ERICH3: variants seen among roughly 807,000 people sequenced by gnomAD.
ERICH3 encodes the protein glutamate-rich protein 3.
Under a neutral mutation model 131.1 loss-of-function variants are expected in ERICH3, and 126 were observed. The ratio of observed to expected loss-of-function variants is 0.96; its 90% CI spans 0.83 to 1.11. ERICH3 has a LOEUF of 1.11. ERICH3 is among the 50% of genes most tolerant of loss of function. The pLI is 0.00. For synonymous variants in ERICH3, 695 were observed against 644.6 expected, an observed-to-expected ratio of 1.08 and a Z score of -1.18; for missense variants, 2,050 against 1,810.7, an observed-to-expected ratio of 1.13 and a Z score of -2.40.
intron 3 of ERICH3, among the ~76,000 whole-genome samples, chr1:74,644,503 G>A (rs1646465356): frequency 6.6e-6 from 1 of 152,072 alleles, no homozygotes; most frequent in Non-Finnish European, 1.5e-5. Context: ...TAACAGGCAT[G>A]TTTTTGACCT....
chr1:74,589,871 C>T lies in ERICH3; in HGVS notation c.1936G>A (p.Asp646Asn). Residue 646 changes from aspartate (D) to asparagine (N), a missense_variant, in exon 12 of 15, where the codon GAC (aspartate) becomes AAC (asparagine). By Grantham distance (23) the Asp-to-Asn change is conservative (BLOSUM62 1). Transcript: ENST00000326665. ...IEESLEIEIEDQEITKADVET... is the reference protein window; with the variant it reads ...IEESLEIEIENQEITKADVET... ...ACATCTGCTTTTGTTATTTCTTGGTCTTCAATTTCAATTTCTAAGGATTCC... is the reference window on the plus strand; with the variant it reads ...ACATCTGCTTTTGTTATTTCTTGGTTTTCAATTTCAATTTCTAAGGATTCC... 2 of 1,614,004 alleles carry T rather than the reference C, an allele frequency of 1.2e-6. No homozygotes were observed. Among genetic ancestry groups the T allele is most frequent in the South Asian group, 1.1e-5 (1 of 91,072 alleles).
At chr1:74,588,408 G>A (rs960024084) in intron 12 of ERICH3, among the ~76,000 whole-genome samples, 18 of 152,068 alleles carry the variant, frequency 1.2e-4, no homozygotes, top group African/African-American at 4.3e-4. Context: ...TGACTATGGT[G>A]CCTTGTGCAT....
rs143512061 is a variant in ERICH3 at position 74,615,741 on chromosome 1, G to A, written c.1001-2932C>T. Among the ~76,000 whole-genome samples, 361 of 152,288 alleles carry A rather than the reference G, an allele frequency of 2.4e-3. 2 individuals are homozygous for A. The highest frequency in any genetic ancestry group is 4.3e-3 in the Non-Finnish European group (291 of 68,024). ...TGAACTTTAGGTAATGGGAATCCAT[G>A]CATTTTTTCCGGGGCTACTCTTATC... On this transcript the variant is annotated intron_variant, in intron 8 of 14. Coordinates refer to ENST00000326665, the MANE Select transcript of ERICH3 (RefSeq NM_001002912.5).
intron 6 of ERICH3, among the ~76,000 whole-genome samples, chr1:74,633,134 G>T: frequency 7.9e-6 from 1 of 126,982 alleles, no homozygotes; most frequent in African/African-American, 3.2e-5. Flanking sequence ...TATGCTTATT[G>T]GTGAAAAATT....
At chr1:74,635,378 TTAATA>T (rs1646379065) in intron 6 of ERICH3, among the ~76,000 whole-genome samples, 1 of 152,160 alleles carries the variant, frequency 6.6e-6, no homozygotes, top group Non-Finnish European at 1.5e-5. Context: ...ATTAAGCAGA[TTAATA>T]TATTATTATT....
At position 74,571,129 on chromosome 1, in the gene ERICH3, G is replaced by A; in HGVS notation, c.4581C>T (p.Asn1527=). 1 of 1,613,346 alleles carries A rather than the reference G, an allele frequency of 6.2e-7. No individual in the cohort carries two copies. Among genetic ancestry groups the A allele is most frequent in the Non-Finnish European group, 8.5e-7 (1 of 1,179,632 alleles). ...GCCAGCAAGTCTCCTAGACCTGCAC[G>A]TTGTTGGGGGAAACATCTGCAGTCT... ...ESETADVSPN[N]VQV The change falls in exon 14 of 15, where the codon AAC becomes AAT. Residue 1527 remains asparagine, a synonymous_variant. Coordinates refer to ENST00000326665, the MANE Select transcript of ERICH3 (RefSeq NM_001002912.5).
At chr1:74,601,460 A>G (rs1648127611) in intron 10 of ERICH3, among the ~76,000 whole-genome samples, 1 of 151,938 alleles carries the variant, frequency 6.6e-6, no homozygotes, top group South Asian at 2.1e-4. Context: ...GTAGTTTTTA[A>G]TATGTGATCC....
At chr1:74,651,189 A>T (rs1377818830) in intron 1 of ERICH3, among the ~76,000 whole-genome samples, 6 of 152,082 alleles carry the variant, frequency 3.9e-5, no homozygotes, top group African/African-American at 1.4e-4. Context: ...TTACATGGAG[A>T]TGATATAAGT....
intron 1 of ERICH3, among the ~76,000 whole-genome samples, chr1:74,660,887 T>TA (rs1289206343): frequency 6.6e-6 from 1 of 151,878 alleles, no homozygotes; most frequent in Non-Finnish European, 1.5e-5. Context: ...GGCAAATTTT[T>TA]AAAAAACTCT....
intron 1 of ERICH3, among the ~76,000 whole-genome samples, chr1:74,668,379 C>G (rs546197907): frequency 6.6e-6 from 1 of 152,176 alleles, no homozygotes; most frequent in Non-Finnish European, 1.5e-5. Flanking sequence ...GAGAAACAGA[C>G]AATTTGAAGT....
intron 5 of ERICH3, among the ~76,000 whole-genome samples, chr1:74,640,208 A>G (rs1482857384): frequency 6.6e-6 from 1 of 152,210 alleles, no homozygotes; most frequent in East Asian, 1.9e-4. Flanking sequence ...AGGTGGGAAG[A>G]CTGAAAACAG....
chr1:74,589,657 G>T lies in ERICH3; in HGVS notation c.2150C>A (p.Ala717Glu). 1 of 1,613,960 alleles carries T rather than the reference G, an allele frequency of 6.2e-7. No homozygotes were observed. Among genetic ancestry groups the T allele is most frequent in the Middle Eastern group, 1.7e-4 (1 of 6,058 alleles). The change falls in exon 12 of 15, where the codon GCA (alanine) becomes GAA (glutamate). Residue 717 changes from alanine (A) to glutamate (E), a missense_variant. Transcript: ENST00000326665. The part of the protein sequence containing the change: ...ESTAQVKDKK[A>E]GLPGLEEGGK... ...ACCTTCCTCCAACCCAGGGAGACCT[G>T]CCTTTTTGTCCTTCACCTGAGCAGT...
At chr1:74,580,957 T>A (rs1457402022) in intron 12 of ERICH3, among the ~76,000 whole-genome samples, 1 of 152,188 alleles carries the variant, frequency 6.6e-6, no homozygotes, top group Non-Finnish European at 1.5e-5. Context: ...ATGGCTATTG[T>A]TGCCATCTTT....
rs1459196546 is a variant in ERICH3, at chr1:74,612,658, C to A, written c.1152G>T (p.Gly384=). ...GAGATGATCTCTCAACACACACAAA[C>A]CCAAAGTAGCCTCGTTTGCCTCCAA... ...SRLGGKRGYF[G]FVCVERSSPC... is the part of the protein sequence containing the mutation. The change falls in exon 9 of 15, where the codon GGG becomes GGT. Residue 384 remains glycine, a synonymous_variant. Coordinates refer to ENST00000326665, the MANE Select transcript of ERICH3 (RefSeq NM_001002912.5). 6.3e-7 allele frequency: 1 copy of A among 1,589,210 alleles called. No homozygotes were observed. The highest frequency in any genetic ancestry group is 1.1e-5 in the South Asian group (1 of 88,580).
intron 1 of ERICH3, among the ~76,000 whole-genome samples, chr1:74,664,810 T>C (rs72968129): frequency 0.012 from 1,816 of 152,330 alleles, 26 homozygotes; most frequent in African/African-American, 0.027. Context: ...AGGTAGGAAG[T>C]AATTAGATTA....
At chr1:74,627,395 G>A (rs551774218) in intron 7 of ERICH3, among the ~76,000 whole-genome samples, 1 of 151,744 alleles carries the variant, frequency 6.6e-6, no homozygotes, top group South Asian at 2.1e-4. Context: ...TTAAGGAAGA[G>A]GCAATTAATA....
At chr1:74,630,080 T>G (rs1433362500) in intron 7 of ERICH3, among the ~76,000 whole-genome samples, 1 of 152,164 alleles carries the variant, frequency 6.6e-6, no homozygotes. Context: ...TTTAAACTTG[T>G]GTTTTAAAAG....
intron 11 of ERICH3, among the ~76,000 whole-genome samples, chr1:74,597,573 A>T (rs1557676180): frequency 6.6e-6 from 1 of 151,992 alleles, no homozygotes; most frequent in East Asian, 1.9e-4. Context: ...CTAATTATAG[A>T]TTTTTCCCAT....
intron 7 of ERICH3, among the ~76,000 whole-genome samples, chr1:74,627,546 A>G (rs1214372472): frequency 1.3e-5 from 2 of 152,156 alleles, no homozygotes; most frequent in African/African-American, 4.8e-5. Flanking sequence ...CTCAGATTGA[A>G]TCAAACACAA....
Sources: allele counts gnomAD v4.1 joint callset (sites outside exome capture counted in the v4.1 genomes callset), GRCh38; gene constraint gnomAD v4.1.1; transcripts MANE v1.5; gene names NCBI Gene and HGNC (gene_info 2026-07-23, HGNC 2026-07-21).